The following NF2 variants were observed in gnomAD, a reference collection of about 807,000 sequenced individuals.
The protein encoded by NF2 is NF2, moesin-ezrin-radixin like (MERLIN) tumor suppressor, also known as merlin.
A neutral mutation model predicts 83.7 loss-of-function variants in NF2; 8 were observed. The ratio of observed to expected loss-of-function variants is 0.10; its 90% CI spans 0.06 to 0.17. NF2 has a LOEUF of 0.17. Ranked by LOEUF, NF2 falls within the 10% of genes least tolerant of loss-of-function variation. The pLI, the probability that NF2 is intolerant of heterozygous loss-of-function variation, is 1.00. For synonymous variants in NF2, 266 were observed against 269.6 expected, an observed-to-expected ratio of 0.99 and a Z score of 0.13; for missense variants, 533 against 744.4, an observed-to-expected ratio of 0.72 and a Z score of 3.31.
rs553444447 is a variant in NF2 at position 29,624,919 on chromosome 22, C to CTCTT, written c.115-11810_115-11807dup. On this transcript the variant is annotated intron_variant, in intron 1 of 15. Coordinates refer to ENST00000338641, the MANE Select transcript of NF2 (RefSeq NM_000268.4). ...CTCTTCTTTCTCTCTCTCTCTCTCT[C>CTCTT]TCTTTCTTTCTTTCTTTCTTTCTTT... Among the ~76,000 whole-genome samples, 92 of 144,118 alleles carry CTCTT rather than the reference C, an allele frequency of 6.4e-4. 1 individual carries two copies. The highest frequency in any genetic ancestry group is 3.4e-3 in the Middle Eastern group (1 of 292). 94.5% of individuals were successfully genotyped at this position (144,118 alleles called of 152,430 possible).
chr22:29,686,903 G>C (rs2067283466), intron 15 of NF2, among the ~76,000 whole-genome samples: 1 of 152,208 alleles, frequency 6.6e-6, no homozygotes, highest in African/African-American at 2.4e-5. Flanking sequence ...CCTTCCGAGT[G>C]AGGGGAGTGA....
intron 10 of NF2, among the ~76,000 whole-genome samples, chr22:29,670,502 C>CG (rs2066750526): frequency 1.4e-5 from 1 of 70,302 alleles, no homozygotes; most frequent in African/African-American, 8.5e-5. Context: ...TCTTTTTGAG[C>CG]TTGTGTGTGT....
chr22:29,684,395 G>A (rs533556896), intron 15 of NF2, among the ~76,000 whole-genome samples: 1 of 152,242 alleles, frequency 6.6e-6, no homozygotes, highest in African/African-American at 2.4e-5. Context: ...TAACCATGGG[G>A]GCAAGCAGAA....
chr22:29,654,121 A>G (rs896440522), intron 4 of NF2, among the ~76,000 whole-genome samples: 1 of 152,038 alleles, frequency 6.6e-6, no homozygotes, highest in African/African-American at 2.4e-5. Flanking sequence ...CCTTTTACTC[A>G]CTTCTTTGTC....
At position 29,661,191 on chromosome 22, in the gene NF2, T is replaced by C. The variant is rs2066466227; in HGVS notation, c.676-14T>C. On this transcript the variant is annotated splice_polypyrimidine_tract_variant and intron_variant, in intron 7 of 15. Transcript: ENST00000338641. Reference sequence around the variant, plus strand: ...AGCTGGCGCTTACAGTAGCTGTTCTTATTGGATCCACAGAATAAAAAGGGC... The same window carrying C: ...AGCTGGCGCTTACAGTAGCTGTTCTCATTGGATCCACAGAATAAAAAGGGC... The C allele has an allele frequency of 6.2e-7, 1 of 1,614,202 alleles. No individual in the cohort carries two copies. The highest frequency in any genetic ancestry group is 8.5e-7 in the Non-Finnish European group (1 of 1,180,024).
intron 11 of NF2, among the ~76,000 whole-genome samples, 158 bp downstream of exon 11, chr22:29,672,106 G>A (rs1329496142): frequency 6.6e-6 from 1 of 152,206 alleles, no homozygotes; most frequent in Non-Finnish European, 1.5e-5. Flanking sequence ...CACCTGTGTT[G>A]GCAGAAGCAG....
chr22:29,613,893 G>A (rs2065017354), intron 1 of NF2, among the ~76,000 whole-genome samples: 1 of 151,118 alleles, frequency 6.6e-6, no homozygotes, highest in Admixed American at 6.6e-5. Flanking sequence ...CTGAGTACCT[G>A]GACTACAGGC....
intron 7 of NF2, among the ~76,000 whole-genome samples, chr22:29,660,020 G>C (rs1250767330): frequency 6.6e-6 from 1 of 152,202 alleles, no homozygotes; most frequent in African/African-American, 2.4e-5. Context: ...TACCTTCTCA[G>C]TTTGCAGACC....
Position 29,678,204 on chromosome 22 carries a change from C to T in NF2, c.1455C>T (p.Asn485=), listed in dbSNP as rs368966931. The change falls in exon 14 of 16, where the codon AAC becomes AAT. Residue 485 remains asparagine (N), a synonymous_variant. Coordinates refer to ENST00000338641, the MANE Select transcript of NF2 (RefSeq NM_000268.4). ...IATKPTYPPM[N]PIPAPLPPDI... ...AAATTTCTCATTAACAGCCCATGAA[C>T]CCAATTCCAGCACCGTTGCCTCCTG... 10 of 1,613,956 alleles carry T rather than the reference C, an allele frequency of 6.2e-6. No homozygotes were observed. In the African/African-American group the frequency reaches 1.2e-4, roughly 19 times the overall value.
intron 1 of NF2, among the ~76,000 whole-genome samples, chr22:29,619,050 A>G (rs1266328411): frequency 6.6e-6 from 1 of 151,970 alleles, no homozygotes; most frequent in African/African-American, 2.4e-5. Flanking sequence ...TAAGACTGTT[A>G]TCTACCTTTT....
chr22:29,680,092 G>A (rs992234730), intron 14 of NF2, among the ~76,000 whole-genome samples: 6 of 150,744 alleles, frequency 4.0e-5, no homozygotes, highest in Non-Finnish European at 1.5e-5. Context: ...CCTCATGACT[G>A]CCCAAAGGCC....
intron 1 of NF2, among the ~76,000 whole-genome samples, chr22:29,622,680 G>A (rs1470672686): frequency 9.7e-6 from 1 of 102,948 alleles, no homozygotes; most frequent in East Asian, 3.7e-4. Flanking sequence ...TTTTGAGACA[G>A]AGACTCGCTC....
At chr22:29,610,630 T>C (rs2064926883) in intron 1 of NF2, among the ~76,000 whole-genome samples, 1 of 142,226 alleles carries the variant, frequency 7.0e-6, no homozygotes. Flanking sequence ...GGTGACAAAG[T>C]GAGACTCCAT....
At chr22:29,637,809 T>C (rs2065688619) in intron 2 of NF2, among the ~76,000 whole-genome samples, 2 of 152,186 alleles carry the variant, frequency 1.3e-5, no homozygotes, top group South Asian at 4.1e-4. Flanking sequence ...TCAATGGTAA[T>C]TCCCAATGAT....
At chr22:29,619,108 G>A (rs979987270) in intron 1 of NF2, among the ~76,000 whole-genome samples, 2 of 151,684 alleles carry the variant, frequency 1.3e-5, no homozygotes, top group African/African-American at 4.8e-5. Context: ...TGGAGTGCAT[G>A]ATCTCAGCTC....
chr22:29,647,967 A>G (rs1387779462), intron 4 of NF2, among the ~76,000 whole-genome samples: 1 of 151,892 alleles, frequency 6.6e-6, no homozygotes, highest in African/African-American at 2.4e-5. Flanking sequence ...ATAAATAAAT[A>G]CATACATACA....
rs976153071 is a variant in NF2 at position 29,604,103 on chromosome 22, C to A, written c.105C>A (p.Phe35Leu). 2 of 1,604,420 alleles carry A rather than the reference C, an allele frequency of 1.2e-6. No homozygotes were observed. Among genetic ancestry groups the A allele is most frequent in the Non-Finnish European group, 1.7e-6 (2 of 1,175,576 alleles). ...RIVTMDAEME[F>L]NCEMKWKGKD... is the part of the protein sequence containing the mutation. ...TCACCATGGACGCCGAGATGGAGTT[C>A]AATTGCGAGGTAACCGGCCGGCAGC... is the stretch of plus-strand genomic sequence containing the variant. Residue 35 changes from phenylalanine (F) to leucine (L), a missense_variant, in exon 1 of 16, where the codon TTC (phenylalanine) becomes TTA (leucine). Around this residue, in one of 3 missense-constraint regions of NF2, gnomAD observed 326 missense variants for 475.1 expected, o/e 0.69. Coordinates refer to ENST00000338641, the MANE Select transcript of NF2 (RefSeq NM_000268.4).
rs2147189659 is a variant in NF2 at position 29,698,452 on chromosome 22, C to A, written c.*3650C>A. ...TCCAGGGCTTTCAGGGAAGCGCCAT[C>A]CATTTTCAAAGATGTCAAACGTCAC... is the stretch of plus-strand genomic sequence containing the variant. On this transcript the variant is annotated 3_prime_UTR_variant, in exon 16 of 16. Coordinates refer to ENST00000338641, the MANE Select transcript of NF2 (RefSeq NM_000268.4). 4.6e-6 allele frequency: 1 copy of A among 218,174 alleles called. No homozygotes were observed. The highest frequency in any genetic ancestry group is 9.2e-6 in the Non-Finnish European group (1 of 108,350). The allele number at this position is 218,174 out of a possible 1,614,324, so 13.5% of individuals were successfully genotyped here.
chr22:29,651,333 T>A (rs552235429), intron 4 of NF2, among the ~76,000 whole-genome samples: 1 of 152,204 alleles, frequency 6.6e-6, no homozygotes. Flanking sequence ...TTAAATTCAA[T>A]TAGTTTATGT....
Sources: allele counts gnomAD v4.1 joint callset (sites outside exome capture counted in the v4.1 genomes callset), GRCh38; gene constraint gnomAD v4.1.1; regional missense constraint gnomAD v4.1.1; transcripts MANE v1.5; gene names NCBI Gene and HGNC (gene_info 2026-07-23, HGNC 2026-07-21).